AGMO: variants seen among roughly 807,000 people sequenced by gnomAD.
The protein encoded by AGMO is glyceryl-ether monooxygenase.
In AGMO, 75 loss-of-function variants were observed where a neutral mutation model predicts 60.2. That is an observed-to-expected ratio of 1.25 (90% CI 1.03 to 1.51). AGMO has a LOEUF of 1.51. AGMO is among the 40% of genes most tolerant of loss of function. AGMO has a pLI of 0.00. For synonymous variants in AGMO, 261 were observed against 177.1 expected (o/e 1.47, Z -3.76); for missense variants, 763 against 525.5 (o/e 1.45, Z -4.42).
the AGMO span, among the ~76,000 whole-genome samples, chr7:15,170,632 C>T: frequency 5.0e-4 from 76 of 152,098 alleles, no homozygotes; most frequent in African/African-American, 1.8e-3. Flanking sequence ...TTTCCATATA[C>T]TCCATTCCAA....
intron 3 of AGMO, among the ~76,000 whole-genome samples, chr7:15,530,656 T>C (rs983107806): frequency 7.1e-6 from 1 of 139,990 alleles, no homozygotes; most frequent in African/African-American, 2.5e-5. Flanking sequence ...ATATATTCTA[T>C]ATACGTATTT....
downstream of AGMO, among the ~76,000 whole-genome samples, chr7:15,197,279 T>C (rs1781143236): frequency 6.6e-6 from 1 of 152,182 alleles, no homozygotes; most frequent in Admixed American, 6.5e-5. Context: ...CCTATTACTG[T>C]ACACTATAAT....
intron 10 of AGMO, among the ~76,000 whole-genome samples, chr7:15,368,978 C>A (rs1783095363): frequency 1.3e-5 from 2 of 152,172 alleles, no homozygotes; most frequent in Middle Eastern, 3.4e-3. Flanking sequence ...TTGAGCTCCT[C>A]CTCTACAACA....
At chr7:15,521,321 G>A (rs1274801671) in intron 3 of AGMO, among the ~76,000 whole-genome samples, 1 of 152,098 alleles carries the variant, frequency 6.6e-6, no homozygotes, top group Non-Finnish European at 1.5e-5. Context: ...AACAGAAAAA[G>A]AAGGAATCCT....
intron 12 of AGMO, among the ~76,000 whole-genome samples, chr7:15,359,688 C>G (rs1782678999): frequency 6.6e-6 from 1 of 152,102 alleles, no homozygotes; most frequent in African/African-American, 2.4e-5. Flanking sequence ...AACTCCTACC[C>G]CTGGTTCATT....
At chr7:15,311,239 C>G (rs1780761879) in intron 12 of AGMO, among the ~76,000 whole-genome samples, 1 of 152,052 alleles carries the variant, frequency 6.6e-6, no homozygotes, top group Admixed American at 6.6e-5. Context: ...GCCCCAAATC[C>G]AAACAAATAT....
intron 12 of AGMO, among the ~76,000 whole-genome samples, chr7:15,289,908 G>C (rs920718196): frequency 9.0e-5 from 12 of 134,010 alleles, no homozygotes; most frequent in Admixed American, 3.0e-4. Context: ...GGCTGTTGTA[G>C]CATCACATCC....
At chr7:15,370,242 A>G (rs376386100) in intron 10 of AGMO, among the ~76,000 whole-genome samples, 1 of 152,264 alleles carries the variant, frequency 6.6e-6, no homozygotes, top group African/African-American at 2.4e-5. Context: ...ATTCTTTTTC[A>G]TGCCTGCATA....
chr7:15,526,383 G>A (rs1048489840), intron 3 of AGMO, among the ~76,000 whole-genome samples: 6 of 152,176 alleles, frequency 3.9e-5, no homozygotes, highest in Non-Finnish European at 7.3e-5. Flanking sequence ...GTTTTAGTGA[G>A]AGCCTTACTT....
At chr7:15,315,332 T>TTC (rs1780889667) in intron 12 of AGMO, among the ~76,000 whole-genome samples, 4 of 114,662 alleles carry the variant, frequency 3.5e-5, no homozygotes, top group Non-Finnish European at 7.0e-5. Flanking sequence ...TATTTGCTTT[T>TTC]TTTTTTTTTT....
chr7:15,338,768 C>T (rs752282228), intron 12 of AGMO, among the ~76,000 whole-genome samples: 3 of 152,128 alleles, frequency 2.0e-5, no homozygotes, highest in Non-Finnish European at 4.4e-5. Context: ...GGCCACTTTT[C>T]TTCCTCTGGA....
intron 2 of AGMO, among the ~76,000 whole-genome samples, chr7:15,556,371 A>C (rs566193089): frequency 6.6e-6 from 1 of 152,020 alleles, no homozygotes; most frequent in Admixed American, 6.6e-5. Flanking sequence ...ACCCATATGT[A>C]TTAAAAGTGC....
chr7:15,460,917 A>G (rs1782126236), intron 3 of AGMO, among the ~76,000 whole-genome samples: 5 of 152,212 alleles, frequency 3.3e-5, no homozygotes, highest in Admixed American at 3.3e-4. Context: ...TGATAGTTAT[A>G]TGATTCCTTC....
chr7:15,354,443 C>CGTGTGTATAT (rs1563105608), intron 12 of AGMO, among the ~76,000 whole-genome samples: 1 of 18,856 alleles, frequency 5.3e-5, no homozygotes, highest in Non-Finnish European at 7.9e-5. Flanking sequence ...TGTGTATACA[C>CGTGTGTATAT]ACGTGTGTGT....
chr7:15,334,453 T>C (rs1563093139), intron 12 of AGMO, among the ~76,000 whole-genome samples: 2 of 152,042 alleles, frequency 1.3e-5, no homozygotes, highest in Non-Finnish European at 2.9e-5. Flanking sequence ...GACTAAAACG[T>C]AGGTGATTAG....
intron 3 of AGMO, among the ~76,000 whole-genome samples, chr7:15,486,661 A>G (rs570994237): frequency 6.6e-6 from 1 of 152,334 alleles, no homozygotes; most frequent in South Asian, 2.1e-4. Context: ...GTACATTGTA[A>G]TAATAATTTT....
rs1292157100 is a variant in AGMO at position 15,346,495 on chromosome 7, T to C, written c.1263+19019A>G. On this transcript the variant is annotated intron_variant, in intron 12 of 12. Transcript: ENST00000342526. ...TATTTAATCTTTTTTCATTAGGATGTTTTTAATTGATATTTATTTTCATTA... is the reference window on the plus strand; with the variant it reads ...TATTTAATCTTTTTTCATTAGGATGCTTTTAATTGATATTTATTTTCATTA... Among the ~76,000 whole-genome samples the C allele has an allele frequency of 2.0e-5, 3 of 151,998 alleles. No individual in the cohort carries two copies. In the East Asian group the frequency reaches 5.8e-4, roughly 29 times the overall value.
the AGMO span, among the ~76,000 whole-genome samples, chr7:15,179,719 T>G: frequency 6.6e-6 from 1 of 152,172 alleles, no homozygotes; most frequent in Admixed American, 6.5e-5. Context: ...GTGTCTCTGC[T>G]CCTGCAGCAG....
chr7:15,405,320 A>T (rs576617848), intron 5 of AGMO, among the ~76,000 whole-genome samples: 32 of 151,998 alleles, frequency 2.1e-4, no homozygotes, highest in African/African-American at 7.5e-4. Flanking sequence ...TACACTGGGA[A>T]AACAAAAATT....
Sources: gnomAD v4.1 joint callset for allele counts (sites outside exome capture counted in the v4.1 genomes callset) on GRCh38, gnomAD v4.1.1 for gene constraint, MANE v1.5 for transcripts, NCBI Gene and HGNC (gene_info 2026-07-23, HGNC 2026-07-21) for gene names.